The following TNS1 variants were observed in gnomAD, a reference collection of about 807,000 sequenced individuals.
TNS1 encodes the protein tensin 1, also known as tensin-1.
Under a neutral mutation model 168.6 loss-of-function variants are expected in TNS1, and 62 were observed. The ratio of observed to expected loss-of-function variants is 0.37; its 90% confidence interval spans 0.30 to 0.45. The LOEUF (loss-of-function observed/expected upper bound fraction) is 0.45, where lower values mean the gene tolerates loss of function less well. Ranked by LOEUF, TNS1 falls within the 20% of genes least tolerant of loss-of-function variation. The pLI, the probability that TNS1 is intolerant of heterozygous loss-of-function variation, is 1.00. For missense variants in TNS1, 2,240 were observed against 2,339.4 expected, an observed-to-expected ratio of 0.96 and a Z score of 0.88; for synonymous variants, 934 against 933.2, an observed-to-expected ratio of 1.00 and a Z score of -0.02.
Position 217,813,370 on chromosome 2 carries a change from A to G in TNS1, c.4862-63T>C. On this transcript the variant is annotated intron_variant, in intron 26 of 32. Coordinates refer to ENST00000682258, the MANE Select transcript of TNS1 (RefSeq NM_001387777.1). This position sits in a 1 kb window ranked among gnomAD's most constrained non-coding sequence, Gnocchi z 4.0. ...CCATGGCTTCCTCCCACCACCTCCCAAGACTGCTTCAAAACTTCCGCAGTG... is the reference window on the plus strand; with the variant it reads ...CCATGGCTTCCTCCCACCACCTCCCGAGACTGCTTCAAAACTTCCGCAGTG... 5 of 1,336,520 alleles carry G rather than the reference A, an allele frequency of 3.7e-6. No homozygotes were observed. The allele number at this position is 1,336,520 out of a possible 1,614,324, so 82.8% of individuals were successfully genotyped here.
At chr2:217,862,540 G>C (rs1162699748) in intron 18 of TNS1, among the ~76,000 whole-genome samples, 1 of 152,214 alleles carries the variant, frequency 6.6e-6, no homozygotes, top group Non-Finnish European at 1.5e-5. Flanking sequence ...CCCCAGATTT[G>C]CCACATGGCA....
intron 2 of TNS1, among the ~76,000 whole-genome samples, chr2:217,984,448 T>A (rs2126066280): frequency 6.6e-6 from 1 of 152,140 alleles, no homozygotes; most frequent in South Asian, 2.1e-4. Flanking sequence ...GGGGGGCACA[T>A]AAGATGGTTT....
At chr2:217,971,412 T>A (rs1296761812) in intron 3 of TNS1, among the ~76,000 whole-genome samples, 3 of 152,272 alleles carry the variant, frequency 2.0e-5, no homozygotes, top group Non-Finnish European at 4.4e-5. Context: ...TCATTCCTTT[T>A]TATTGCAGTG....
At chr2:217,919,199 T>C (rs180890249) in intron 4 of TNS1, among the ~76,000 whole-genome samples, 59 of 152,312 alleles carry the variant, frequency 3.9e-4, no homozygotes, top group Non-Finnish European at 5.7e-4. Context: ...CAGCCCCTTG[T>C]CATACAGCAA....
chr2:217,857,686 G>A (rs1000642111), intron 18 of TNS1, among the ~76,000 whole-genome samples: 3 of 152,176 alleles, frequency 2.0e-5, no homozygotes, highest in Admixed American at 2.0e-4. Flanking sequence ...GGGCCTGGAG[G>A]GCAAGTGATC....
At chr2:217,928,191 T>A (rs1442817540) in intron 3 of TNS1, among the ~76,000 whole-genome samples, 2 of 151,834 alleles carry the variant, frequency 1.3e-5, no homozygotes, top group African/African-American at 4.8e-5. Flanking sequence ...GGAGGGAGGG[T>A]GTGGGGACAA....
At chr2:217,950,415 C>T (rs11676885) in intron 3 of TNS1, among the ~76,000 whole-genome samples, 61,124 of 151,896 alleles carry the variant, frequency 0.4, 18,125 homozygotes, top group African/African-American at 0.85. Flanking sequence ...CTGCTAGGAA[C>T]AGGATAACAT....
chr2:218,003,744 C>T (rs1027687602), upstream of TNS1, among the ~76,000 whole-genome samples: 4 of 151,928 alleles, frequency 2.6e-5, no homozygotes, highest in Admixed American at 1.3e-4. Context: ...TGACTGTACC[C>T]GGGGCCAACA....
At chr2:217,851,604 A>AGCCCAGG (rs975153737) in intron 18 of TNS1, among the ~76,000 whole-genome samples, 33 of 152,228 alleles carry the variant, frequency 2.2e-4, no homozygotes, top group Non-Finnish European at 4.4e-5. Flanking sequence ...GTATTGCAGC[A>AGCCCAGG]GCCCAGGGCC....
rs377624888 is a variant in TNS1, at chr2:217,850,901, G to A, written c.1430-1814C>T. ...ACCGTGCAGTGAGCACAGCGCAAAC[G>A]CCAACACTTCGCCAGGCACTCTACA... On this transcript the variant is annotated intron_variant, in intron 18 of 32. Coordinates refer to ENST00000682258, the MANE Select transcript of TNS1 (RefSeq NM_001387777.1). Among the ~76,000 whole-genome samples, 8 of 152,130 alleles carry A rather than the reference G, an allele frequency of 5.3e-5. No individual in the cohort carries two copies. The East Asian group carries it at 1.5e-3, about 29-fold the overall frequency.
chr2:217,860,321 A>G (rs1235956225), intron 18 of TNS1, among the ~76,000 whole-genome samples: 2 of 152,194 alleles, frequency 1.3e-5, no homozygotes, highest in Non-Finnish European at 2.9e-5. Context: ...TACCCTGGCC[A>G]CTGACCTATC....
chr2:217,850,320 G>C (rs1574805149), intron 18 of TNS1: 2 of 985,180 alleles, frequency 2.0e-6, no homozygotes, highest in South Asian at 4.7e-5. Flanking sequence ...GCTGATGCAG[G>C]GGGTTCAGGG....
At chr2:217,835,006 C>G (rs1339327495) in intron 21 of TNS1, 85 bp downstream of exon 21, 1 of 1,264,142 alleles carries the variant, frequency 7.9e-7, no homozygotes, top group East Asian at 2.7e-5. Context: ...CCCCAACCCT[C>G]AGGCCTGGGG....
At chr2:218,017,484 G>A (rs1298513458) in intron 1 of TNS1, among the ~76,000 whole-genome samples, 1 of 152,238 alleles carries the variant, frequency 6.6e-6, no homozygotes, top group African/African-American at 2.4e-5. Flanking sequence ...CTGCTTCTGT[G>A]TTTGGTTTTC....
chr2:217,984,495 T>A (rs1472142674), intron 2 of TNS1, among the ~76,000 whole-genome samples: 1 of 152,070 alleles, frequency 6.6e-6, no homozygotes, highest in Non-Finnish European at 1.5e-5. Flanking sequence ...TTATTTTTAG[T>A]CTTTCTTTCT....
chr2:217,857,875 A>G (rs1354724642), intron 18 of TNS1, among the ~76,000 whole-genome samples: 4 of 152,166 alleles, frequency 2.6e-5, no homozygotes, highest in African/African-American at 9.7e-5. Flanking sequence ...AGGATGGTAA[A>G]AATAGCTCCA....
At chr2:217,975,477 G>T (rs373888284) in intron 3 of TNS1, among the ~76,000 whole-genome samples, 1 of 152,132 alleles carries the variant, frequency 6.6e-6, no homozygotes, top group African/African-American at 2.4e-5. Flanking sequence ...TGAGGGTGGC[G>T]TGTGAAGGCA....
intron 18 of TNS1, among the ~76,000 whole-genome samples, chr2:217,855,121 A>G (rs1947969138): frequency 6.6e-6 from 1 of 151,880 alleles, no homozygotes; most frequent in Non-Finnish European, 1.5e-5. Flanking sequence ...AGCTCTCATC[A>G]CCCACAGGGT....
rs902291733 is a variant in TNS1 at position 217,948,386 on chromosome 2, C to A, written c.187-28150G>T. Among the ~76,000 whole-genome samples the A allele has an allele frequency of 3.9e-5, 6 of 152,174 alleles. No individual in the cohort carries two copies. The highest frequency in any genetic ancestry group is 7.4e-5 in the Non-Finnish European group (5 of 68,012). ...CCAAGGGGAGAGGCCACTGGGGCAC[C>A]GCTCTGCTTCCTTCCCAAGATGTCC... On this transcript the variant is annotated intron_variant, in intron 3 of 32. Coordinates refer to ENST00000682258, the MANE Select transcript of TNS1 (RefSeq NM_001387777.1). This position sits in a 1 kb window ranked among gnomAD's most constrained non-coding sequence, Gnocchi z 4.1.
Sources: allele counts gnomAD v4.1 joint callset (sites outside exome capture counted in the v4.1 genomes callset), GRCh38; gene constraint gnomAD v4.1.1; non-coding constraint Gnocchi (gnomAD v3.1); transcripts MANE v1.5; gene names NCBI Gene and HGNC (gene_info 2026-07-23, HGNC 2026-07-21).